The following NF1 variants were observed in gnomAD, a reference collection of about 807,000 sequenced individuals.
The protein encoded by NF1 is neurofibromin 1.
In NF1, 122 loss-of-function variants were observed where a neutral mutation model predicts 325.7. The observed-to-expected ratio is 0.37, with a 90% CI of 0.32 to 0.44. The LOEUF (loss-of-function observed/expected upper bound fraction) is 0.44, where lower values mean the gene tolerates loss of function less well. NF1 is among the 20% of genes least tolerant of loss of function. NF1 has a pLI of 1.00. For missense variants in NF1, 2,140 were observed against 3,415.4 expected (o/e 0.63, Z 9.31); for synonymous variants, 1,091 against 1,186.0 (o/e 0.92, Z 1.65).
At chr17:31,366,615 A>T (rs2070527045) in intron 57 of NF1, among the ~76,000 whole-genome samples, 1 of 152,204 alleles carries the variant, frequency 6.6e-6, no homozygotes, top group South Asian at 2.1e-4. Context: ...TTAGCTGGGC[A>T]CAGTGGCACA....
intron 8 of NF1, among the ~76,000 whole-genome samples, chr17:31,197,344 CT>C (rs61619278): frequency 0.54 from 53,273 of 99,190 alleles, 9,765 homozygotes; most frequent in Middle Eastern, 0.62. Context: ...CCGCGCCTGG[CT>C]TTTTTTTTTT....
intron 36 of NF1, among the ~76,000 whole-genome samples, chr17:31,290,491 A>G (rs2068324349): frequency 6.6e-6 from 1 of 152,114 alleles, no homozygotes; most frequent in Admixed American, 6.5e-5. Flanking sequence ...TATCTGTATT[A>G]TCTCATTTTC....
At chr17:31,355,223 G>A (rs955773749) in intron 51 of NF1, among the ~76,000 whole-genome samples, 3 of 152,042 alleles carry the variant, frequency 2.0e-5, no homozygotes, top group Non-Finnish European at 4.4e-5. Flanking sequence ...AGAAAGGAAG[G>A]AAAACTAAAT....
At chr17:31,310,985 C>G (rs1213848448) in intron 36 of NF1, among the ~76,000 whole-genome samples, 1 of 146,392 alleles carries the variant, frequency 6.8e-6, no homozygotes, top group Admixed American at 6.9e-5. Flanking sequence ...CTCACTCTGT[C>G]ACCCGGGTTG....
At chr17:31,341,796 G>A (rs1050001488) in intron 47 of NF1, among the ~76,000 whole-genome samples, 6 of 151,832 alleles carry the variant, frequency 4.0e-5, no homozygotes, top group African/African-American at 1.5e-4. Flanking sequence ...ATCTAATTGG[G>A]GTTGGATTTT....
intron 48 of NF1, among the ~76,000 whole-genome samples, chr17:31,343,957 A>T (rs1383423003): frequency 3.7e-5 from 5 of 135,840 alleles, no homozygotes; most frequent in South Asian, 4.7e-4. Context: ...CCCTGCCTTT[A>T]AAAAAAAAAA....
At chr17:31,264,210 C>T (rs1193868088) in intron 35 of NF1, among the ~76,000 whole-genome samples, 2 of 152,016 alleles carry the variant, frequency 1.3e-5, no homozygotes, top group East Asian at 3.9e-4. Flanking sequence ...GCAAGCCTGG[C>T]CAGCATGGCG....
intron 56 of NF1, chr17:31,359,719 A>C (rs571593624): frequency 6.5e-6 from 1 of 154,020 alleles, no homozygotes; most frequent in Non-Finnish European, 1.4e-5. Flanking sequence ...CGGCCTCCCA[A>C]AGTGCTGGGA....
chr17:31,209,717 A>G (rs2066691237), intron 12 of NF1, among the ~76,000 whole-genome samples: 1 of 151,934 alleles, frequency 6.6e-6, no homozygotes, highest in Non-Finnish European at 1.5e-5. Context: ...GCAGTGATGC[A>G]ATCTTGGCTC....
At chr17:31,220,752 G>A (rs1164748139) in intron 14 of NF1, among the ~76,000 whole-genome samples, 1 of 151,922 alleles carries the variant, frequency 6.6e-6, no homozygotes, top group Admixed American at 6.6e-5. Flanking sequence ...CCTGGAAAAG[G>A]CTAACACATT....
At chr17:31,250,056 CTA>C (rs2067468871) in intron 30 of NF1, 10 of 489,436 alleles carry the variant, frequency 2.0e-5, no homozygotes, top group Non-Finnish European at 3.2e-5. Flanking sequence ...TGAGGCTGCT[CTA>C]TGTGAATTTT....
chr17:31,334,809 T>TCA (rs2069599870), intron 39 of NF1, 29 bp from the exon 40 acceptor site: 1 of 1,543,342 alleles, frequency 6.5e-7, no homozygotes, highest in Admixed American at 1.7e-5. Flanking sequence ...TCATTGACCA[T>TCA]CACATGCTAA....
At chr17:31,337,936 C>A (rs2151557754) in intron 44 of NF1, 56 bp downstream of exon 44, 1 of 1,512,948 alleles carries the variant, frequency 6.6e-7, no homozygotes, top group Non-Finnish European at 9.2e-7. Context: ...GAAAATACAG[C>A]TATTACTGTA....
At chr17:31,271,520 G>A (rs1458326776) in intron 36 of NF1, among the ~76,000 whole-genome samples, 3 of 152,184 alleles carry the variant, frequency 2.0e-5, no homozygotes, top group African/African-American at 7.2e-5. Context: ...GGGAAGCCAA[G>A]GCGGGTAGAT....
At chr17:31,225,292 CTGTT>C (rs758460910) in intron 17 of NF1, 42 bp downstream of exon 17, 1 of 1,605,090 alleles carries the variant, frequency 6.2e-7, no homozygotes. Flanking sequence ...TTTATGTGCT[CTGTT>C]TGTTTTCTGA....
At chr17:31,095,818 C>G (rs1911644515) in intron 1 of NF1, among the ~76,000 whole-genome samples, 1 of 152,110 alleles carries the variant, frequency 6.6e-6, no homozygotes, top group Non-Finnish European at 1.5e-5. Flanking sequence ...ACGAGCGAAC[C>G]CTAAGGCCTG....
At chr17:31,292,333 A>G (rs1167816355) in intron 36 of NF1, among the ~76,000 whole-genome samples, 1 of 152,226 alleles carries the variant, frequency 6.6e-6, no homozygotes, top group East Asian at 1.9e-4. Context: ...GGAGCCAGGA[A>G]TATAGTAATA....
At position 31,335,292 on chromosome 17, in the gene NF1, A is replaced by T. The variant is rs1451533001; in HGVS notation, c.6006+261A>T. ...GGCATAATTATATATATATATATAT[A>T]TATAATTATGCCTTGAAGGAGACTG... On this transcript the variant is annotated intron_variant, in intron 40 of 57. Coordinates refer to ENST00000358273, the MANE Select transcript of NF1 (RefSeq NM_001042492.3). Among the ~76,000 whole-genome samples, 3 of 128,368 alleles carry T rather than the reference A, an allele frequency of 2.3e-5. 1 individual carries two copies. The highest frequency in any genetic ancestry group is 4.8e-5 in the Non-Finnish European group (3 of 62,782). The allele number at this position is 128,368 out of a possible 152,430, so 84.2% of individuals were successfully genotyped here.
rs1166091450 is a variant in NF1 at position 31,184,660 on chromosome 17, T to TA, written c.888+2007dup. On this transcript the variant is annotated intron_variant, in intron 8 of 57. Transcript: ENST00000358273. ...GAGACTCCGTCTCAAAAAAAAAAAATAAAAAAAAAAAATAAAAAAATAAAA... is the reference window on the plus strand; with the variant it reads ...GAGACTCCGTCTCAAAAAAAAAAAATAAAAAAAAAAAAATAAAAAAATAAAA... Among the ~76,000 whole-genome samples, 15 of 138,332 alleles carry TA rather than the reference T, an allele frequency of 1.1e-4. 1 individual carries two copies. Among genetic ancestry groups the TA allele is most frequent in the South Asian group, 6.7e-4 (3 of 4,454 alleles). 90.8% of individuals were successfully genotyped at this position (138,332 alleles called of 152,430 possible).
Sources: allele counts gnomAD v4.1 joint callset (sites outside exome capture counted in the v4.1 genomes callset), GRCh38; gene constraint gnomAD v4.1.1; transcripts MANE v1.5; gene names NCBI Gene and HGNC (gene_info 2026-07-23, HGNC 2026-07-21).